The following PLCG2 variants were observed in gnomAD, a reference collection of about 807,000 sequenced individuals.
The protein encoded by PLCG2 is 1-phosphatidylinositol 4,5-bisphosphate phosphodiesterase gamma-2.
A neutral mutation model predicts 175.6 loss-of-function variants in PLCG2; 69 were observed. The observed-to-expected ratio is 0.39, with a 90% CI of 0.32 to 0.48. PLCG2 has a LOEUF of 0.48. Among genes scored for constraint, PLCG2 ranks in the 20% least tolerant of loss-of-function variants. PLCG2 has a pLI of 0.91. For synonymous variants in PLCG2, 827 were observed against 624.0 expected (o/e 1.33, Z -4.85); for missense variants, 1,798 against 1,650.9 (o/e 1.09, Z -1.54).
intron 2 of PLCG2, chr16:81,798,810 G>C (rs1267988220): frequency 6.6e-6 from 1 of 152,354 alleles, no homozygotes; most frequent in East Asian, 1.9e-4. Flanking sequence ...AAGAGGTGGA[G>C]GAGGGGCTGG....
At chr16:81,739,515 G>C (rs1909536466) in intron 1 of PLCG2, 1 of 152,262 alleles carries the variant, frequency 6.6e-6, no homozygotes, top group Non-Finnish European at 1.5e-5. Context: ...GACAGGCTTT[G>C]TGCTGAGGAT....
chr16:81,907,800 G>C, intron 16 of PLCG2, 26 bp downstream of exon 16: 2 of 1,564,706 alleles, frequency 1.3e-6, no homozygotes, highest in African/African-American at 1.3e-5. Context: ...AGCCACATAG[G>C]GAGGAGGTCC....
intron 31 of PLCG2, among the ~76,000 whole-genome samples, chr16:81,947,643 G>A (rs2143757963): frequency 6.6e-6 from 1 of 152,316 alleles, no homozygotes; most frequent in East Asian, 1.9e-4. Flanking sequence ...CCTTTGCTGA[G>A]ATAGAGTTTA....
chr16:81,786,950 A>G (rs1597318043), intron 2 of PLCG2, among the ~76,000 whole-genome samples: 2 of 152,342 alleles, frequency 1.3e-5, no homozygotes, highest in Admixed American at 1.3e-4. Context: ...TATCTTCCAA[A>G]ATAGTCTATG....
chr16:81,924,291 C>T (rs1567534800), intron 22 of PLCG2, among the ~76,000 whole-genome samples: 1 of 152,260 alleles, frequency 6.6e-6, no homozygotes, highest in Non-Finnish European at 1.5e-5. Context: ...CTGGTTTAAG[C>T]ACCTCATAGA....
intron 2 of PLCG2, among the ~76,000 whole-genome samples, chr16:81,802,095 T>TTTTTTTTTTTTC (rs1481496817): frequency 2.6e-5 from 1 of 39,162 alleles, no homozygotes; most frequent in East Asian, 7.4e-4. Context: ...AGTACAGTCT[T>TTTTTTTTTTTTC]TTTTTTTTTT....
chr16:81,754,956 A>G (rs1909891170), intron 1 of PLCG2, among the ~76,000 whole-genome samples: 1 of 152,152 alleles, frequency 6.6e-6, no homozygotes, highest in Admixed American at 6.5e-5. Flanking sequence ...GTGAGAGAAC[A>G]TTGGCAGAGG....
chr16:81,907,958 C>G (rs542846766), intron 16 of PLCG2, among the ~76,000 whole-genome samples, 184 bp downstream of exon 16: 1 of 152,078 alleles, frequency 6.6e-6, no homozygotes, highest in South Asian at 2.1e-4. Flanking sequence ...GCTGGCTGCC[C>G]CAGGTGCTTT....
chr16:81,778,016 C>CAAAAAAAAAAA (rs753644088), upstream of PLCG2, among the ~76,000 whole-genome samples: 3 of 49,090 alleles, frequency 6.1e-5, no homozygotes, highest in Admixed American at 2.3e-4. Context: ...GACTTTGTCT[C>CAAAAAAAAAAA]AAAAAAAAAA....
chr16:81,869,357 A>T (rs530733095), intron 6 of PLCG2, 59 bp downstream of exon 6: 2 of 1,243,558 alleles, frequency 1.6e-6, no homozygotes, highest in South Asian at 1.2e-5. Context: ...AGCCTCTCTC[A>T]TGAAGCCGTG....
At chr16:81,795,971 C>T (rs867495745) in intron 2 of PLCG2, among the ~76,000 whole-genome samples, 8 of 152,212 alleles carry the variant, frequency 5.3e-5, no homozygotes, top group Non-Finnish European at 2.9e-5. Context: ...AGTTGGGGGG[C>T]ATCCTTCCAG....
chr16:81,764,700 G>A (rs935019746), intron 2 of PLCG2, among the ~76,000 whole-genome samples: 2 of 152,136 alleles, frequency 1.3e-5, no homozygotes, highest in South Asian at 4.1e-4. Context: ...CCAAATTTAT[G>A]TCCAGCTGGA....
chr16:81,914,341 G>A (rs1050053535), intron 19 of PLCG2, among the ~76,000 whole-genome samples: 4 of 152,206 alleles, frequency 2.6e-5, no homozygotes, highest in African/African-American at 9.6e-5. Flanking sequence ...TCAGGTGGCT[G>A]TACCTTGGGC....
chr16:81,771,498 G>A (rs1242464333), intron 2 of PLCG2, among the ~76,000 whole-genome samples: 1 of 152,178 alleles, frequency 6.6e-6, no homozygotes, highest in African/African-American at 2.4e-5. Context: ...TACCTCCTCT[G>A]AGAAGTCTTC....
At chr16:81,797,893 C>G (rs928901976) in intron 2 of PLCG2, among the ~76,000 whole-genome samples, 3 of 151,542 alleles carry the variant, frequency 2.0e-5, no homozygotes, top group Non-Finnish European at 4.4e-5. Context: ...TGCAGCGGCA[C>G]AATTTCAGTT....
intron 13 of PLCG2, among the ~76,000 whole-genome samples, chr16:81,899,342 A>G (rs1224975947): frequency 6.6e-6 from 1 of 151,958 alleles, no homozygotes; most frequent in African/African-American, 2.4e-5. Context: ...ATATATGTAT[A>G]TACATGTACT....
intron 31 of PLCG2, among the ~76,000 whole-genome samples, chr16:81,950,162 G>T (rs1911310408): frequency 6.6e-6 from 1 of 152,148 alleles, no homozygotes; most frequent in Non-Finnish European, 1.5e-5. Context: ...TGGTGAATAG[G>T]CTGAATCCTC....
chr16:81,883,871 G>A (rs1316607850), intron 9 of PLCG2, among the ~76,000 whole-genome samples: 4 of 152,230 alleles, frequency 2.6e-5, no homozygotes, highest in Non-Finnish European at 5.9e-5. Flanking sequence ...GACTCAAGGG[G>A]GGGTTGTGTT....
intron 1 of PLCG2, among the ~76,000 whole-genome samples, chr16:81,779,901 G>C (rs79341966): frequency 0.13 from 20,525 of 152,286 alleles, 1,705 homozygotes; most frequent in Non-Finnish European, 0.19. Flanking sequence ...AGTCCTTCCC[G>C]GAGACTTTTG....
Sources: allele counts gnomAD v4.1 joint callset (sites outside exome capture counted in the v4.1 genomes callset), GRCh38; gene constraint gnomAD v4.1.1; transcripts MANE v1.5; gene names NCBI Gene and HGNC (gene_info 2026-07-23, HGNC 2026-07-21).